UPRT: variants seen among roughly 807,000 people sequenced by gnomAD.
UPRT encodes uracil phosphoribosyltransferase homolog, also known as RP11-311P8.3.
UPRT carries 5 observed loss-of-function variants against 22.6 expected under a neutral mutation model. That is an observed-to-expected ratio of 0.22 (90% CI 0.12 to 0.47). The LOEUF (loss-of-function observed/expected upper bound fraction) is 0.47, where lower values mean the gene tolerates loss of function less well. Ranked by LOEUF, UPRT falls within the 20% of genes least tolerant of loss-of-function variation. The pLI, the probability that UPRT is intolerant of heterozygous loss-of-function variation, is 0.99. For synonymous variants in UPRT, 77 were observed against 87.7 expected (o/e 0.88, Z 0.68); for missense variants, 181 against 239.9 (o/e 0.75, Z 1.62).
intron 1 of UPRT, among the ~76,000 whole-genome samples, chrX:75,289,824 A>T (rs1352775061): frequency 4.5e-5 from 5 of 112,150 alleles, no homozygotes. Flanking sequence ...TTAAATATTT[A>T]CATGTAAGAC....
At chrX:75,180,697 T>TTTTTTTTTTTTTTTTTTTTTTTTTG (rs2082267306) in intron 4 of UPRT, among the ~76,000 whole-genome samples, 1 of 14,959 alleles carries the variant, frequency 6.7e-5, no homozygotes, top group African/African-American at 9.7e-5. Flanking sequence ...TTTTTTTTGT[T>TTTTTTTTTTTTTTTTTTTTTTTTTG]TTTTTTTTTT....
At chrX:75,184,352 C>A (rs1299431166) in intron 4 of UPRT, among the ~76,000 whole-genome samples, 14 of 109,883 alleles carry the variant, frequency 1.3e-4, no homozygotes, top group African/African-American at 4.6e-4. Context: ...GGCATTATTT[C>A]TGAGGGCTCT....
chrX:75,293,593 C>T, intron 2 of UPRT, 79 bp downstream of exon 2: 1 of 1,011,249 alleles, frequency 9.9e-7, no homozygotes, highest in Non-Finnish European at 1.3e-6. Flanking sequence ...TATTTTTGTT[C>T]TAGAGCATTC....
At chrX:75,256,124 G>A (rs1443404053) in intron 4 of UPRT, among the ~76,000 whole-genome samples, 1 of 111,676 alleles carries the variant, frequency 9.0e-6, no homozygotes, top group Non-Finnish European at 1.9e-5. Flanking sequence ...CACAAAAGGT[G>A]CCTCAATACA....
intron 4 of UPRT, among the ~76,000 whole-genome samples, chrX:75,185,711 T>C (rs1201499637): frequency 8.9e-6 from 1 of 112,128 alleles, no homozygotes; most frequent in Non-Finnish European, 1.9e-5. Flanking sequence ...CTGTTATTGG[T>C]CTATTCAGAG....
In UPRT at chrX:75,251,497, A is replaced by T. The variant is rs762057605; in HGVS notation, c.-446-39527A>T. Among the ~76,000 whole-genome samples the T allele has an allele frequency of 1.1e-3, 127 of 111,385 alleles. 1 individual carries two copies. In the East Asian group the frequency reaches 0.03, roughly 26 times the overall value. Reference sequence around the variant, plus strand: ...AGAGAATAAAATACCTAGGAATCCAACTTACAAGGGACGTGAAGGACCTCT... The same window carrying T: ...AGAGAATAAAATACCTAGGAATCCATCTTACAAGGGACGTGAAGGACCTCT... On this transcript the variant is annotated intron_variant, in intron 4 of 13. Coordinates refer to the UPRT transcript ENST00000652605.
chrX:75,195,896 A>AC (rs918857794), intron 4 of UPRT, among the ~76,000 whole-genome samples: 3 of 112,165 alleles, frequency 2.7e-5, no homozygotes, highest in Admixed American at 9.4e-5. Context: ...AAGTTTTAAA[A>AC]TTAACCTTGG....
intron 1 of UPRT, among the ~76,000 whole-genome samples, chrX:75,285,139 C>T (rs1275013037): frequency 9.0e-6 from 1 of 111,337 alleles, no homozygotes; most frequent in African/African-American, 3.3e-5. Context: ...GCTGGTCTCA[C>T]TCCCACCATG....
chrX:75,209,552 T>C (rs1228518384), intron 4 of UPRT, among the ~76,000 whole-genome samples: 1 of 111,833 alleles, frequency 8.9e-6, no homozygotes, highest in Non-Finnish European at 1.9e-5. Context: ...TTTGTATTTT[T>C]ATTAGAGACG....
chrX:75,181,069 G>A (rs950026621), intron 4 of UPRT, among the ~76,000 whole-genome samples: 24 of 110,676 alleles, frequency 2.2e-4, no homozygotes, highest in Middle Eastern at 4.2e-3. Flanking sequence ...AGTCTTCTGC[G>A]TATGCTAGCC....
chrX:75,253,421 C>A (rs999835429), intron 4 of UPRT, among the ~76,000 whole-genome samples: 1 of 112,020 alleles, frequency 8.9e-6, no homozygotes, highest in African/African-American at 3.2e-5. Flanking sequence ...CAGATGCTGG[C>A]AAGGTTGTGG....
chrX:75,213,117 G>A (rs1441391192), intron 4 of UPRT, among the ~76,000 whole-genome samples: 1 of 112,184 alleles, frequency 8.9e-6, no homozygotes, highest in Non-Finnish European at 1.9e-5. Context: ...GTGTTTTATA[G>A]GCAGTCTCCT....
At chrX:75,189,853 AT>A (rs1467692273) in intron 4 of UPRT, among the ~76,000 whole-genome samples, 1 of 111,004 alleles carries the variant, frequency 9.0e-6, no homozygotes, top group Non-Finnish European at 1.9e-5. Flanking sequence ...CCATCCCTTT[AT>A]TTTGAGCCTA....
intron 4 of UPRT, among the ~76,000 whole-genome samples, chrX:75,235,488 A>G (rs889151480): frequency 8.9e-6 from 1 of 111,898 alleles, no homozygotes; most frequent in African/African-American, 3.3e-5. Context: ...CAACCAATAA[A>G]GAGAATTTTA....
At chrX:75,227,618 C>T (rs1182526252) in intron 4 of UPRT, among the ~76,000 whole-genome samples, 1 of 112,385 alleles carries the variant, frequency 8.9e-6, no homozygotes, top group African/African-American at 3.2e-5. Context: ...AAATAGGAGA[C>T]ATTGAATTCT....
intron 4 of UPRT, among the ~76,000 whole-genome samples, chrX:75,258,803 G>C (rs987846596): frequency 8.0e-5 from 9 of 111,959 alleles, no homozygotes; most frequent in African/African-American, 9.7e-5. Flanking sequence ...GAGGGTCCCT[G>C]ACCCCCATGT....
At chrX:75,188,950 G>A (rs910963176) in intron 4 of UPRT, among the ~76,000 whole-genome samples, 1 of 112,116 alleles carries the variant, frequency 8.9e-6, no homozygotes, top group Non-Finnish European at 1.9e-5. Flanking sequence ...CGGTACTTCA[G>A]ATGGAAATGC....
intron 4 of UPRT, among the ~76,000 whole-genome samples, chrX:75,189,941 A>G (rs1362168338): frequency 2.7e-5 from 3 of 111,751 alleles, no homozygotes; most frequent in Non-Finnish European, 5.6e-5. Context: ...CAATTTGCCA[A>G]TTGCTTCTTT....
intron 4 of UPRT, among the ~76,000 whole-genome samples, chrX:75,238,906 T>C (rs2082479031): frequency 9.0e-6 from 1 of 111,663 alleles, no homozygotes; most frequent in South Asian, 3.7e-4. Context: ...AAAAATCATT[T>C]GAACTGAACA....
Sources: allele counts gnomAD v4.1 joint callset (sites outside exome capture counted in the v4.1 genomes callset), GRCh38; gene constraint gnomAD v4.1.1; transcripts MANE v1.5; gene names NCBI Gene and HGNC (gene_info 2026-07-23, HGNC 2026-07-21).